Variants in NUAK1 observed in about 807,000 individuals in gnomAD.
NUAK1 encodes the protein NUAK family SNF1-like kinase 1.
NUAK1 carries 26 observed loss-of-function variants against 56.9 expected under a neutral mutation model. The ratio of observed to expected loss-of-function variants is 0.46; its 90% confidence interval spans 0.33 to 0.63. NUAK1 has a LOEUF of 0.63. NUAK1 is among the 30% of genes least tolerant of loss of function. NUAK1 has a pLI of 0.02. For missense variants in NUAK1, 727 were observed against 876.1 expected (o/e 0.83, Z 2.15); for synonymous variants, 337 against 336.0 (o/e 1.00, Z -0.03).
chr12:106,066,521 G>A lies in NUAK1; in HGVS notation c.*281C>T, dbSNP rs933905345. 16 of 456,626 alleles carry A rather than the reference G, an allele frequency of 3.5e-5. No homozygotes were observed. The highest frequency in any genetic ancestry group is 2.5e-4 in the South Asian group (8 of 32,364). 28.3% of individuals were successfully genotyped at this position (456,626 alleles called of 1,614,324 possible). A position where few individuals can be genotyped will look rare whatever the true frequency, so the allele number is the denominator to read the frequency against. ...GCTTCCTCTCCACCCACTGAGTGCC[G>A]GTCAATACCACCTCCCCTGGACAGC... On this transcript the variant is annotated 3_prime_UTR_variant, in exon 7 of 7. Coordinates refer to ENST00000261402, the MANE Select transcript of NUAK1 (RefSeq NM_014840.3).
At chr12:106,117,303 T>C in intron 1 of NUAK1, among the ~76,000 whole-genome samples, 1 of 152,230 alleles carries the variant, frequency 6.6e-6, no homozygotes, top group East Asian at 1.9e-4. Flanking sequence ...ATGATGTGTA[T>C]GCACACAGAT....
intron 1 of NUAK1, among the ~76,000 whole-genome samples, chr12:106,136,977 T>C (rs75891429): frequency 0.031 from 4,657 of 152,314 alleles, 116 homozygotes; most frequent in Middle Eastern, 0.058. Flanking sequence ...AATTCTCAAC[T>C]ACTTGCTTGC....
rs201003472 is a variant in NUAK1 at position 106,106,989 on chromosome 12, G to A, written c.241-464C>T. Among the ~76,000 whole-genome samples, 132 of 152,226 alleles carry A rather than the reference G, an allele frequency of 8.7e-4. 1 individual carries two copies. In the East Asian group the frequency reaches 0.017, roughly 19 times the overall value. On this transcript the variant is annotated intron_variant, in intron 1 of 6. Transcript: ENST00000261402. ...AAATCATTACTGCCTGGCCAACCTC[G>A]AGGCCAGCTCTGCCTCAAGCCTCGG...
intron 4 of NUAK1, among the ~76,000 whole-genome samples, chr12:106,076,380 C>T (rs547853822): frequency 4.6e-5 from 7 of 152,258 alleles, no homozygotes; most frequent in African/African-American, 1.2e-4. Flanking sequence ...AGCAAGGAGG[C>T]GACTGGGCTG....
intron 1 of NUAK1, among the ~76,000 whole-genome samples, chr12:106,117,558 A>T (rs2032929960): frequency 6.6e-6 from 1 of 152,234 alleles, no homozygotes; most frequent in Non-Finnish European, 1.5e-5. Context: ...GTACTAGTTG[A>T]AATGCAGTCT....
At position 106,138,753 on chromosome 12, in the gene NUAK1, G is replaced by A. The variant is rs2033155702; in HGVS notation, c.-100C>T. On this transcript the variant is annotated 5_prime_UTR_variant, in exon 1 of 7. An upstream open reading frame in the 5' UTR gains an earlier in-frame stop. Coordinates refer to ENST00000261402, the MANE Select transcript of NUAK1 (RefSeq NM_014840.3). The surrounding 1 kb of genome is among the most constrained non-coding windows in gnomAD (Gnocchi z 5.0). ...GGGAAGCCGCTGTACGCTCAAGGTCGCCCCCGCAGCATCAGGGAGGCGGCC... is the reference window on the plus strand; with the variant it reads ...GGGAAGCCGCTGTACGCTCAAGGTCACCCCCGCAGCATCAGGGAGGCGGCC... 10 of 1,396,494 alleles carry A rather than the reference G, an allele frequency of 7.2e-6. No homozygotes were observed. The highest frequency in any genetic ancestry group is 1.6e-5 in the South Asian group (1 of 64,058). 86.5% of individuals were successfully genotyped at this position (1,396,494 alleles called of 1,614,324 possible).
intron 1 of NUAK1, among the ~76,000 whole-genome samples, chr12:106,136,404 A>T (rs919748101): frequency 1.4e-4 from 21 of 152,182 alleles, no homozygotes; most frequent in Admixed American, 1.3e-4. Context: ...CGGAATGTTC[A>T]GTTTCTGCAA....
intron 4 of NUAK1, among the ~76,000 whole-genome samples, chr12:106,075,937 T>C (rs772718432): frequency 6.6e-6 from 1 of 152,222 alleles, no homozygotes; most frequent in Non-Finnish European, 1.5e-5. Flanking sequence ...TATACTTAGT[T>C]TTGAGCTTAT....
intron 4 of NUAK1, among the ~76,000 whole-genome samples, chr12:106,075,739 A>G (rs1269222093): frequency 1.3e-5 from 2 of 152,242 alleles, no homozygotes; most frequent in African/African-American, 4.8e-5. Context: ...TGAATAATAA[A>G]ATGAAAAATT....
rs145507327 is a variant in NUAK1 at position 106,137,916 on chromosome 12, CAG to C, written c.240+496_240+497del. Among the ~76,000 whole-genome samples the C allele has an allele frequency of 1.8e-4, 28 of 152,318 alleles. No individual in the cohort carries two copies. The East Asian group carries it at 5.2e-3, about 28-fold the overall frequency. On this transcript the variant is annotated intron_variant, in intron 1 of 6. Coordinates refer to ENST00000261402, the MANE Select transcript of NUAK1 (RefSeq NM_014840.3). ...CAGTCACAGCAGTATCAGGGCGATGCAGAGTCTGAGTGGGAGGATGCAGAGCA... is the reference window on the plus strand; with the variant it reads ...CAGTCACAGCAGTATCAGGGCGATGCAGTCTGAGTGGGAGGATGCAGAGCA...
At chr12:106,116,067 T>C (rs1014497076) in intron 1 of NUAK1, among the ~76,000 whole-genome samples, 12 of 152,216 alleles carry the variant, frequency 7.9e-5, no homozygotes, top group Non-Finnish European at 1.5e-4. Flanking sequence ...TCGCTCACCA[T>C]TGCTCATAAG....
chr12:106,099,584 G>C (rs567715514), intron 2 of NUAK1, among the ~76,000 whole-genome samples: 1 of 152,262 alleles, frequency 6.6e-6, no homozygotes, highest in South Asian at 2.1e-4. Context: ...GAGTGTTGCT[G>C]CCTGGGTTCA....
chr12:106,087,034 C>T, intron 2 of NUAK1, 149 bp from the exon 3 acceptor site: 2 of 966,882 alleles, frequency 2.1e-6, no homozygotes, highest in Non-Finnish European at 1.5e-6. Flanking sequence ...TTCAGCATCA[C>T]GAGGCGTGGG....
chr12:106,119,933 C>T (rs780939649), intron 1 of NUAK1, among the ~76,000 whole-genome samples: 1 of 152,094 alleles, frequency 6.6e-6, no homozygotes, highest in East Asian at 1.9e-4. Flanking sequence ...GAAATGCCTA[C>T]AATGTTTAAG....
At chr12:106,091,348 G>A (rs1222332755) in intron 2 of NUAK1, among the ~76,000 whole-genome samples, 1 of 152,184 alleles carries the variant, frequency 6.6e-6, no homozygotes, top group Non-Finnish European at 1.5e-5. Flanking sequence ...ACTTAGCTCA[G>A]CCTGAGTCAG....
chr12:106,083,412 A>C (rs1449752194), intron 4 of NUAK1, among the ~76,000 whole-genome samples: 1 of 152,226 alleles, frequency 6.6e-6, no homozygotes, highest in East Asian at 1.9e-4. Context: ...TACCTTGGGC[A>C]AATTACTTAG....
chr12:106,109,063 C>T (rs1405337805), intron 1 of NUAK1, among the ~76,000 whole-genome samples: 3 of 152,204 alleles, frequency 2.0e-5, no homozygotes, highest in African/African-American at 7.2e-5. Flanking sequence ...GTGCATTCTG[C>T]TCCCCTGTTT....
intron 3 of NUAK1, among the ~76,000 whole-genome samples, chr12:106,086,298 A>G (rs2032569921): frequency 6.6e-6 from 1 of 152,206 alleles, no homozygotes; most frequent in African/African-American, 2.4e-5. Flanking sequence ...CAAACGATGT[A>G]AAAATGAATC....
chr12:106,064,839 C>G lies in NUAK1; in HGVS notation c.*1963G>C, dbSNP rs1482147976. On this transcript the variant is annotated 3_prime_UTR_variant, in exon 7 of 7. Transcript: ENST00000261402. ...TTGCTATCTACAGAATTTTTTTTTT[C>G]CCTTTTAACCTCTATTAGAGTTCAG... is the stretch of plus-strand genomic sequence containing the variant. The G allele has an allele frequency of 8.5e-6, 1 of 118,132 alleles. No individual in the cohort carries two copies. The highest frequency in any genetic ancestry group is 2.8e-4 in the South Asian group (1 of 3,578). The allele number at this position is 118,132 out of a possible 1,614,324, so 7.3% of individuals were successfully genotyped here.
Sources: allele counts gnomAD v4.1 joint callset (sites outside exome capture counted in the v4.1 genomes callset), GRCh38; gene constraint gnomAD v4.1.1; non-coding constraint Gnocchi (gnomAD v3.1); transcripts MANE v1.5; gene names NCBI Gene and HGNC (gene_info 2026-07-23, HGNC 2026-07-21).